FIBP: variants seen among roughly 807,000 people sequenced by gnomAD.
The protein encoded by FIBP is FGF1 intracellular binding protein.
In FIBP, 29 loss-of-function variants were observed where a neutral mutation model predicts 40.5. That is an observed-to-expected ratio of 0.72 (90% confidence interval 0.53 to 0.98). FIBP has a LOEUF of 0.98. Among genes scored for constraint, FIBP ranks in the 50% least tolerant of loss-of-function variants. The pLI is 0.00. For synonymous variants in FIBP, 215 were observed against 191.1 expected, an observed-to-expected ratio of 1.13 and a Z score of -1.03; for missense variants, 411 against 470.2, an observed-to-expected ratio of 0.87 and a Z score of 1.16.
intron 4 of FIBP, 191 bp from the exon 5 acceptor site, chr11:65,885,854 C>G: frequency 1.7e-6 from 1 of 589,428 alleles, no homozygotes; most frequent in Non-Finnish European, 3.0e-6. Context: ...CTCAAGTTTA[C>G]TAGTGGATAC....
At position 65,888,056 on chromosome 11, in the gene FIBP, G is replaced by C. The variant is rs771515201; in HGVS notation, c.162C>G (p.Ser54Arg). Reference protein sequence around the residue: ...QTGATAAVLQSDTMDHYRTFH... With the variant: ...QTGATAAVLQRDTMDHYRTFH... ...AGGTGCGGTAATGGTCCATGGTGTC[G>C]CTCTGCAGCACCGCTGCCGTGGCGC... Residue 54 changes from serine to arginine, a missense_variant, in exon 2 of 10, where the codon AGC becomes AGG. Coordinates refer to ENST00000357519, the MANE Select transcript of FIBP (RefSeq NM_004214.5). 6.2e-7 allele frequency: 1 copy of C among 1,610,048 alleles called. No homozygotes were observed.
At chr11:65,885,364 C>T in intron 5 of FIBP, 166 bp downstream of exon 5, 1 of 954,094 alleles carries the variant, frequency 1.0e-6, no homozygotes, top group Non-Finnish European at 1.6e-6. Context: ...TGTCTGCAGA[C>T]AAGGTGTGTG....
intron 4 of FIBP, 128 bp downstream of exon 4, chr11:65,886,193 AC>A: frequency 3.9e-6 from 2 of 510,908 alleles, no homozygotes; most frequent in Non-Finnish European, 6.9e-6. Flanking sequence ...AAAAAAAAGT[AC>A]AGACCAAAAG....
intron 3 of FIBP, chr11:65,887,150 G>A (rs962030753): frequency 6.0e-6 from 2 of 331,540 alleles, no homozygotes; most frequent in Non-Finnish European, 1.2e-5. Context: ...GGATAGCTTG[G>A]AAGGCACAAC....
At chr11:65,888,253 T>C (rs1367823205) in intron 1 of FIBP, 81 bp downstream of exon 1, 10 of 1,482,682 alleles carry the variant, frequency 6.7e-6, no homozygotes, top group Non-Finnish European at 9.1e-6. Context: ...CCCTAAAGGA[T>C]GCCCAAGTCT....
In FIBP at chr11:65,888,398, G is replaced by A. The variant is rs780277855; in HGVS notation, c.21C>T (p.Ile7=). The change falls in exon 1 of 10, where the codon ATC becomes ATT. Residue 7 remains isoleucine (I), a synonymous_variant. Coordinates refer to ENST00000357519, the MANE Select transcript of FIBP (RefSeq NM_004214.5). MTSELD[I]FVGNTTLIDE... Reference sequence around the variant, plus strand: ...CGATAAGGGTCGTGTTCCCCACGAAGATGTCCAGCTCACTGGTCATGGCGA... The same window carrying A: ...CGATAAGGGTCGTGTTCCCCACGAAAATGTCCAGCTCACTGGTCATGGCGA... The A allele has an allele frequency of 1.1e-5, 17 of 1,567,304 alleles. No individual in the cohort carries two copies. The Admixed American group carries it at 1.3e-4, about 12-fold the overall frequency.
intron 3 of FIBP, chr11:65,887,381 G>A: frequency 1.7e-6 from 1 of 572,302 alleles, no homozygotes; most frequent in South Asian, 1.9e-5. Context: ...AGGAGGCGGA[G>A]GTTGCAGTGA....
chr11:65,887,476 G>A, intron 3 of FIBP, 124 bp downstream of exon 3: 1 of 1,085,312 alleles, frequency 9.2e-7, no homozygotes, highest in East Asian at 2.4e-5. Context: ...AGGGGAAAGG[G>A]GAAGGGAGGA....
chr11:65,885,277 C>A, intron 5 of FIBP, 91 bp from the exon 6 acceptor site: 1 of 1,132,072 alleles, frequency 8.8e-7, no homozygotes, highest in Non-Finnish European at 1.3e-6. Flanking sequence ...TATTTCCCCC[C>A]TGGGGACAAA....
chr11:65,884,853 G>T (rs1860190451), intron 7 of FIBP, 82 bp downstream of exon 7: 2 of 1,538,818 alleles, frequency 1.3e-6, no homozygotes, highest in South Asian at 1.1e-5. Context: ...GCCAATCCCT[G>T]GCAGGGGCAG....
chr11:65,886,242 A>C (rs1410532164), intron 4 of FIBP, 80 bp downstream of exon 4: 7 of 876,778 alleles, frequency 8.0e-6, no homozygotes, highest in Non-Finnish European at 1.4e-5. Context: ...AGGAGGTCAG[A>C]AGGTTTGGGG....
In FIBP at chr11:65,887,964, G is replaced by A. The variant is rs1225304338; in HGVS notation, c.254C>T (p.Pro85Leu). 2 of 1,613,796 alleles carry A rather than the reference G, an allele frequency of 1.2e-6. No homozygotes were observed. The highest frequency in any genetic ancestry group is 1.1e-5 in the South Asian group (1 of 91,008). Reference sequence around the variant, plus strand: ...GATGAGTAGTGCCTGCCGGGAGGGCGGAATCTGGAAGATGAGCTGGTGCAG... The same window carrying A: ...GATGAGTAGTGCCTGCCGGGAGGGCAGAATCTGGAAGATGAGCTGGTGCAG... The part of the protein sequence containing the change: ...KLLHQLIFQI[P>L]PSRQALLIER... The change falls in exon 2 of 10, where the codon CCG becomes CTG. Residue 85 changes from proline to leucine, a missense_variant. Pro to Leu is a moderately conservative substitution (Grantham distance 98). Coordinates refer to ENST00000357519, the MANE Select transcript of FIBP (RefSeq NM_004214.5).
intron 1 of FIBP, 82 bp from the exon 2 acceptor site, chr11:65,888,214 A>G (rs1860295894): frequency 2.7e-6 from 4 of 1,470,464 alleles, no homozygotes; most frequent in Admixed American, 2.0e-5. Context: ...CCCCTATAAC[A>G]CCTCTTATTC....
chr11:65,885,194 G>T lies in FIBP; in HGVS notation c.647-8C>A. ...TGTCATCCATCTGTGAGTCTGTGAG[G>T]CCATGAAGGGGGTGGGGGTGGGTGA... is the stretch of plus-strand genomic sequence containing the variant. On this transcript the variant is annotated splice_region_variant and splice_polypyrimidine_tract_variant and intron_variant, in intron 5 of 9. Transcript: ENST00000357519. 8.4e-7 allele frequency: 1 copy of T among 1,195,336 alleles called. No homozygotes were observed. The highest frequency in any genetic ancestry group is 1.2e-6 in the Non-Finnish European group (1 of 816,618). 74.0% of individuals were successfully genotyped at this position (1,195,336 alleles called of 1,614,324 possible).
rs1048431982 is a variant in FIBP at position 65,884,578 on chromosome 11, C to T, written c.898G>A (p.Val300Met). The change falls in exon 8 of 10, where the codon GTG becomes ATG. Residue 300 changes from valine to methionine, a missense_variant. Coordinates refer to ENST00000357519, the MANE Select transcript of FIBP (RefSeq NM_004214.5). ...KDVRDLFVDL[V>M]EKFVEPCRSD... ...AGAGCACGACAGCTCACCTTCTCCA[C>T]GAGGTCCACAAACAGGTCTCTGACA... 42 of 1,614,098 alleles carry T rather than the reference C, an allele frequency of 2.6e-5. No individual in the cohort carries two copies. The highest frequency in any genetic ancestry group is 4.5e-5 in the East Asian group (2 of 44,896).
At chr11:65,885,721 T>C (rs1399489887) in intron 4 of FIBP, 58 bp from the exon 5 acceptor site, 3 of 1,530,736 alleles carry the variant, frequency 2.0e-6, no homozygotes, top group East Asian at 2.3e-5. Context: ...AGGAAGCAGC[T>C]CCCACCTGCA....
At chr11:65,887,316 G>A in intron 3 of FIBP, 1 of 443,598 alleles carries the variant, frequency 2.3e-6, no homozygotes, top group Non-Finnish European at 4.2e-6. Context: ...TGTGGGAGCG[G>A]GCGCCTGTAA....
intron 5 of FIBP, 170 bp downstream of exon 5, chr11:65,885,360 C>T: frequency 1.1e-6 from 1 of 941,320 alleles, no homozygotes; most frequent in Non-Finnish European, 1.6e-6. Flanking sequence ...CCTTTGTCTG[C>T]AGACAAGGTG....
In FIBP at chr11:65,888,081, C is replaced by T; in HGVS notation, c.137G>A (p.Gly46Asp). 2 of 1,603,624 alleles carry T rather than the reference C, an allele frequency of 1.2e-6. No homozygotes were observed. Among genetic ancestry groups the T allele is most frequent in the Non-Finnish European group, 1.7e-6 (2 of 1,177,050 alleles). Residue 46 changes from glycine to aspartate, a missense_variant, in exon 2 of 10, where the codon GGC (glycine) becomes GAC (aspartate). Physicochemically the swap from Gly to Asp is moderately conservative, Grantham distance 94 (BLOSUM62 -1). Transcript: ENST00000357519. ...RVRSGILEQT[G>D]ATAAVLQSDT... is the part of the protein sequence containing the mutation. ...GCTCTGCAGCACCGCTGCCGTGGCG[C>T]CAGTCTGCTCCAGGATTCCCGAGCG...
Sources: gnomAD v4.1 joint callset for allele counts on GRCh38, gnomAD v4.1.1 for gene constraint, MANE v1.5 for transcripts, NCBI Gene and HGNC (gene_info 2026-07-23, HGNC 2026-07-21) for gene names.